The following ANKRD44 variants were observed in gnomAD, a reference collection of about 807,000 sequenced individuals.
ANKRD44 encodes serine/threonine-protein phosphatase 6 regulatory ankyrin repeat subunit B.
In ANKRD44, 35 loss-of-function variants were observed where a neutral mutation model predicts 116.0. That is an observed-to-expected ratio of 0.30 (90% confidence interval 0.23 to 0.40). The LOEUF (loss-of-function observed/expected upper bound fraction) is 0.40, where lower values mean the gene tolerates loss of function less well. ANKRD44 is among the 10% of genes least tolerant of loss of function. The pLI, the probability that ANKRD44 is intolerant of heterozygous loss-of-function variation, is 1.00. For missense variants in ANKRD44, 1,014 were observed against 1,242.6 expected (o/e 0.82, Z 2.77); for synonymous variants, 435 against 461.8 (o/e 0.94, Z 0.74).
intron 23 of ANKRD44, 34 bp downstream of exon 23, chr2:197,000,385 T>A (rs1255509615): frequency 6.4e-7 from 1 of 1,551,988 alleles, no homozygotes; most frequent in Admixed American, 1.7e-5. Context: ...GTAAGATTCA[T>A]CAAGAAAAAA....
intron 1 of ANKRD44, among the ~76,000 whole-genome samples, chr2:197,286,111 G>T (rs1471961646): frequency 2.0e-5 from 3 of 152,170 alleles, no homozygotes; most frequent in African/African-American, 7.2e-5. Context: ...GTCATTTGCT[G>T]CTCTATAAGG....
intron 21 of ANKRD44, among the ~76,000 whole-genome samples, chr2:196,969,505 A>C (rs2075700193): frequency 6.6e-6 from 1 of 152,190 alleles, no homozygotes; most frequent in African/African-American, 2.4e-5. Context: ...TGTGGCAGGA[A>C]GGAGGTAGGG....
At chr2:197,195,169 C>G (rs2080918116) in intron 1 of ANKRD44, among the ~76,000 whole-genome samples, 1 of 152,060 alleles carries the variant, frequency 6.6e-6, no homozygotes. Flanking sequence ...TTTGTGGAGA[C>G]AGGGTCTCGC....
At chr2:197,143,447 G>A (rs1291643338) in intron 3 of ANKRD44, among the ~76,000 whole-genome samples, 4 of 146,420 alleles carry the variant, frequency 2.7e-5, no homozygotes, top group East Asian at 2.0e-4. Context: ...CAGAACATGC[G>A]GTGTTTGGTT....
intron 10 of ANKRD44, among the ~76,000 whole-genome samples, chr2:197,098,933 C>G (rs1412342939): frequency 1.3e-5 from 2 of 152,148 alleles, no homozygotes; most frequent in Admixed American, 1.3e-4. Context: ...GGTCCTGCCC[C>G]TCGGTGGTGC....
intron 16 of ANKRD44, among the ~76,000 whole-genome samples, chr2:197,065,195 G>C (rs1330598616): frequency 6.6e-6 from 1 of 152,190 alleles, no homozygotes; most frequent in Non-Finnish European, 1.5e-5. Flanking sequence ...ACCTGCTCCT[G>C]AATGACTACT....
intron 21 of ANKRD44, among the ~76,000 whole-genome samples, chr2:196,969,428 C>T (rs750510689): frequency 2.6e-5 from 4 of 152,028 alleles, no homozygotes; most frequent in Admixed American, 1.3e-4. Flanking sequence ...TGTTTTTATA[C>T]CACTTTTTAT....
chr2:197,103,244 A>C (rs1173731282), intron 9 of ANKRD44, among the ~76,000 whole-genome samples: 1 of 151,952 alleles, frequency 6.6e-6, no homozygotes, highest in African/African-American at 2.4e-5. Context: ...AAAAAAAAAA[A>C]AAATTGGGGG....
chr2:197,099,908 A>G lies in ANKRD44; in HGVS notation c.1008T>C (p.Asp336=). 2 of 1,614,178 alleles carry G rather than the reference A, an allele frequency of 1.2e-6. No homozygotes were observed. Among genetic ancestry groups the G allele is most frequent in the Non-Finnish European group, 1.7e-6 (2 of 1,180,018 alleles). ...IQNGGEIDCV[D]KDGNTPLHVA... is the part of the protein sequence containing the mutation. ...CATGGAGAGGAGTGTTGCCGTCCTT[A>G]TCCACACAGTCAATTTCACCTCCTG... Residue 336 remains aspartate (D), a synonymous_variant, in exon 10 of 28, where the codon GAT becomes GAC. Coordinates refer to ENST00000282272, the MANE Select transcript of ANKRD44 (RefSeq NM_001195144.2).
At chr2:197,175,766 T>C (rs2080350421) in intron 2 of ANKRD44, among the ~76,000 whole-genome samples, 1 of 152,198 alleles carries the variant, frequency 6.6e-6, no homozygotes, top group Non-Finnish European at 1.5e-5. Context: ...ATTTGGTGAA[T>C]GAATGAATGT....
At chr2:197,295,338 C>G (rs182953352) in intron 1 of ANKRD44, among the ~76,000 whole-genome samples, 1 of 152,250 alleles carries the variant, frequency 6.6e-6, no homozygotes, top group Admixed American at 6.5e-5. Flanking sequence ...CTTTGCTGAC[C>G]CTATAGTCTT....
At chr2:197,209,832 T>G (rs2081286990) in intron 1 of ANKRD44, among the ~76,000 whole-genome samples, 1 of 152,158 alleles carries the variant, frequency 6.6e-6, no homozygotes, top group African/African-American at 2.4e-5. Flanking sequence ...AGCACAAGAT[T>G]GTCTTGTGAG....
chr2:197,013,824 G>T, intron 17 of ANKRD44, 112 bp from the exon 18 acceptor site: 2 of 1,028,750 alleles, frequency 1.9e-6, no homozygotes, highest in Non-Finnish European at 2.9e-6. Flanking sequence ...ACTCCCAAGA[G>T]CACGTCAGAA....
intron 8 of ANKRD44, 68 bp from the exon 9 acceptor site, chr2:197,110,912 C>T (rs2078549739): frequency 2.9e-6 from 3 of 1,029,064 alleles, no homozygotes; most frequent in South Asian, 1.3e-5. Context: ...ATCTGAAATA[C>T]CCCTATGGAC....
At chr2:197,064,056 G>A (rs567800853) in intron 16 of ANKRD44, among the ~76,000 whole-genome samples, 3 of 152,224 alleles carry the variant, frequency 2.0e-5, no homozygotes, top group South Asian at 2.1e-4. Flanking sequence ...AGAGAGAAAC[G>A]TCGGGTTACC....
chr2:197,276,023 C>T (rs547007540), intron 1 of ANKRD44, among the ~76,000 whole-genome samples: 1 of 151,984 alleles, frequency 6.6e-6, no homozygotes, highest in Non-Finnish European at 1.5e-5. Flanking sequence ...CGCCTGTAAT[C>T]CCAGCACTTT....
At chr2:197,006,759 T>C (rs938324173) in intron 20 of ANKRD44, among the ~76,000 whole-genome samples, 11 of 152,078 alleles carry the variant, frequency 7.2e-5, no homozygotes, top group Non-Finnish European at 1.2e-4. Context: ...CAGCCCAAAA[T>C]AGCAATTTTA....
intron 1 of ANKRD44, among the ~76,000 whole-genome samples, chr2:197,279,801 C>T (rs1306651944): frequency 6.6e-6 from 1 of 152,164 alleles, no homozygotes; most frequent in Admixed American, 6.5e-5. Flanking sequence ...TCAGCTGGCA[C>T]CCTAAACACA....
In ANKRD44 at chr2:197,081,745, G is replaced by GA. The variant is rs553836103; in HGVS notation, c.1458-21dup. On this transcript the variant is annotated intron_variant, in intron 14 of 27. Transcript: ENST00000282272. ...GTCTTACTTCTCAGCATAAAGGATA[G>GA]AAAAAAAAATTGCAATTAATTTTTT... The GA allele has an allele frequency of 1.9e-3, 2,995 of 1,569,850 alleles. 36 individuals are homozygous for GA. The South Asian group carries it at 0.023, about 12-fold the overall frequency.
Sources: gnomAD v4.1 joint callset for allele counts (sites outside exome capture counted in the v4.1 genomes callset) on GRCh38, gnomAD v4.1.1 for gene constraint, MANE v1.5 for transcripts, NCBI Gene and HGNC (gene_info 2026-07-23, HGNC 2026-07-21) for gene names.